Variants in BRINP3 observed in about 807,000 individuals in gnomAD.
BRINP3 encodes the protein BMP/retinoic acid-inducible neural-specific protein 3.
Under a neutral mutation model 71.0 loss-of-function variants are expected in BRINP3, and 19 were observed. The observed-to-expected ratio is 0.27, with a 90% confidence interval of 0.19 to 0.39. The LOEUF is 0.39. BRINP3 is among the 10% of genes least tolerant of loss of function. BRINP3 has a pLI of 1.00. For synonymous variants in BRINP3, 380 were observed against 337.7 expected, an observed-to-expected ratio of 1.13 and a Z score of -1.37; for missense variants, 959 against 940.8, an observed-to-expected ratio of 1.02 and a Z score of -0.25.
intron 1 of BRINP3, among the ~76,000 whole-genome samples, chr1:190,464,032 CAAT>C (rs1304703245): frequency 6.6e-6 from 1 of 150,666 alleles, no homozygotes; most frequent in African/African-American, 2.4e-5. Flanking sequence ...TTGAAATAAA[CAAT>C]AATATGTAAA....
intron 7 of BRINP3, among the ~76,000 whole-genome samples, chr1:190,154,709 T>C (rs1214065280): frequency 6.6e-6 from 1 of 152,122 alleles, no homozygotes. Flanking sequence ...AATCTGCATG[T>C]CAAAACAAGA....
intron 7 of BRINP3, among the ~76,000 whole-genome samples, chr1:190,116,578 T>C (rs1653154750): frequency 6.6e-6 from 1 of 152,058 alleles, no homozygotes; most frequent in Non-Finnish European, 1.5e-5. Flanking sequence ...TGTCCTCAAA[T>C]GTTCTTCCAA....
At chr1:190,312,289 C>A (rs1014489272) in intron 2 of BRINP3, among the ~76,000 whole-genome samples, 9 of 150,762 alleles carry the variant, frequency 6.0e-5, no homozygotes, top group African/African-American at 2.2e-4. Flanking sequence ...AATATTGTTA[C>A]AGAGAATATG....
At chr1:190,327,275 A>G (rs1284382888) in intron 2 of BRINP3, among the ~76,000 whole-genome samples, 1 of 134,404 alleles carries the variant, frequency 7.4e-6, no homozygotes, top group Admixed American at 8.6e-5. Context: ...AGATCACGCC[A>G]TTGTACTCTG....
At chr1:190,174,642 G>C (rs1652332523) in intron 6 of BRINP3, among the ~76,000 whole-genome samples, 1 of 151,994 alleles carries the variant, frequency 6.6e-6, no homozygotes. Context: ...ATAAAATGCA[G>C]CACCAATTTC....
At chr1:190,134,328 T>C (rs531979756) in intron 7 of BRINP3, among the ~76,000 whole-genome samples, 1 of 151,902 alleles carries the variant, frequency 6.6e-6, no homozygotes, top group Non-Finnish European at 1.5e-5. Context: ...ATAACAAAGA[T>C]CAATGTTGCT....
intron 2 of BRINP3, among the ~76,000 whole-genome samples, chr1:190,408,471 A>G (rs1672452268): frequency 6.6e-6 from 1 of 152,106 alleles, no homozygotes; most frequent in Non-Finnish European, 1.5e-5. Flanking sequence ...GTTGTTTTCA[A>G]TTCTTGGCCT....
intron 7 of BRINP3, among the ~76,000 whole-genome samples, chr1:190,127,100 G>A (rs1654147889): frequency 6.6e-6 from 1 of 151,698 alleles, no homozygotes; most frequent in Non-Finnish European, 1.5e-5. Flanking sequence ...TATAACTGTA[G>A]ATAAATTAGT....
chr1:190,416,953 C>T (rs960629259), intron 2 of BRINP3, among the ~76,000 whole-genome samples: 5 of 152,154 alleles, frequency 3.3e-5, no homozygotes, highest in African/African-American at 1.2e-4. Flanking sequence ...CTGGATTCAT[C>T]ACTGTACCTA....
intron 7 of BRINP3, among the ~76,000 whole-genome samples, chr1:190,142,878 G>A (rs1655573968): frequency 1.3e-5 from 2 of 151,762 alleles, no homozygotes; most frequent in Non-Finnish European, 1.5e-5. Context: ...TGAGATAAAA[G>A]GAGAGACTAA....
intron 7 of BRINP3, among the ~76,000 whole-genome samples, chr1:190,103,908 C>CTT (rs771659610): frequency 2.8e-5 from 4 of 143,314 alleles, no homozygotes; most frequent in Non-Finnish European, 4.6e-5. Flanking sequence ...GGGCCAGTCA[C>CTT]TTTTTTTTTT....
At chr1:190,372,854 A>G (rs1669949556) in intron 2 of BRINP3, among the ~76,000 whole-genome samples, 1 of 152,230 alleles carries the variant, frequency 6.6e-6, no homozygotes, top group Non-Finnish European at 1.5e-5. Flanking sequence ...AACAAATGTT[A>G]AACAAATAGT....
chr1:190,390,558 A>G (rs889607615), intron 2 of BRINP3, among the ~76,000 whole-genome samples: 4 of 151,788 alleles, frequency 2.6e-5, no homozygotes, highest in Non-Finnish European at 5.9e-5. Context: ...AAAACCCTCA[A>G]GGAACAGGTG....
At chr1:190,384,828 A>G (rs1446061073) in intron 2 of BRINP3, among the ~76,000 whole-genome samples, 1 of 151,926 alleles carries the variant, frequency 6.6e-6, no homozygotes, top group East Asian at 1.9e-4. Flanking sequence ...GTAATAGATT[A>G]TTTTCTCAGA....
At chr1:190,217,951 C>T (rs968663002) in intron 6 of BRINP3, among the ~76,000 whole-genome samples, 1 of 152,026 alleles carries the variant, frequency 6.6e-6, no homozygotes, top group Non-Finnish European at 1.5e-5. Flanking sequence ...AATTTAAACA[C>T]ATAACATGTA....
At chr1:190,383,473 A>G (rs1263569864) in intron 2 of BRINP3, among the ~76,000 whole-genome samples, 2 of 152,062 alleles carry the variant, frequency 1.3e-5, no homozygotes, top group Non-Finnish European at 2.9e-5. Flanking sequence ...CTTGTTCCCT[A>G]AAAATTTCCA....
chr1:190,162,740 A>G (rs1353298498), intron 6 of BRINP3, among the ~76,000 whole-genome samples: 1 of 152,164 alleles, frequency 6.6e-6, no homozygotes, highest in Non-Finnish European at 1.5e-5. Context: ...GAAGATAAGG[A>G]GTATCTTTAA....
chr1:190,277,387 T>C (rs1228026907), intron 3 of BRINP3, among the ~76,000 whole-genome samples: 1 of 151,292 alleles, frequency 6.6e-6, no homozygotes, highest in East Asian at 2.0e-4. Flanking sequence ...GCGGAGGAAC[T>C]CACAGGTTTC....
chr1:190,170,190 T>C (rs977831122), intron 6 of BRINP3, among the ~76,000 whole-genome samples: 2 of 152,112 alleles, frequency 1.3e-5, no homozygotes, highest in Non-Finnish European at 2.9e-5. Flanking sequence ...TCTGGTTTTG[T>C]TGAGATGTGG....
Sources: gnomAD v4.1 joint callset for allele counts (sites outside exome capture counted in the v4.1 genomes callset) on GRCh38, gnomAD v4.1.1 for gene constraint, MANE v1.5 for transcripts, NCBI Gene and HGNC (gene_info 2026-07-23, HGNC 2026-07-21) for gene names.